NKAIN2: variants seen among roughly 807,000 people sequenced by gnomAD.
NKAIN2 encodes sodium/potassium transporting ATPase interacting 2, also known as sodium/potassium-transporting ATPase subunit beta-1-interacting protein 2.
A neutral mutation model predicts 32.6 loss-of-function variants in NKAIN2; 14 were observed. The observed-to-expected ratio is 0.43, with a 90% CI of 0.28 to 0.67. The LOEUF (loss-of-function observed/expected upper bound fraction) is 0.67, where lower values mean the gene tolerates loss of function less well. Ranked by LOEUF, NKAIN2 falls within the 30% of genes least tolerant of loss-of-function variation. NKAIN2 has a pLI of 0.17. For missense variants in NKAIN2, 198 were observed against 258.3 expected (o/e 0.77, Z 1.60); for synonymous variants, 80 against 87.2 (o/e 0.92, Z 0.46).
At chr6:124,537,577 T>A (rs1030018360) in intron 3 of NKAIN2, among the ~76,000 whole-genome samples, 1 of 152,186 alleles carries the variant, frequency 6.6e-6, no homozygotes, top group Non-Finnish European at 1.5e-5. Context: ...TAAAACAGGT[T>A]TGTTGTTTAA....
chr6:124,438,581 C>T (rs952533825), intron 3 of NKAIN2, among the ~76,000 whole-genome samples: 1 of 152,134 alleles, frequency 6.6e-6, no homozygotes, highest in African/African-American at 2.4e-5. Flanking sequence ...TTTCACTTGT[C>T]ATCCTCTCTG....
chr6:124,419,970 A>G (rs369147523), intron 3 of NKAIN2, among the ~76,000 whole-genome samples: 3 of 152,100 alleles, frequency 2.0e-5, no homozygotes, highest in South Asian at 4.1e-4. Flanking sequence ...ATCCTGGAAT[A>G]TGATCATTTG....
At chr6:124,290,055 C>CAA (rs10681237) in intron 2 of NKAIN2, among the ~76,000 whole-genome samples, 34,637 of 148,998 alleles carry the variant, frequency 0.23, 4,621 homozygotes, top group African/African-American at 0.39. Flanking sequence ...AGGGAGAAAA[C>CAA]AAAAAAAAAC....
At chr6:124,587,094 C>T (rs1191629126) in intron 3 of NKAIN2, among the ~76,000 whole-genome samples, 4 of 152,144 alleles carry the variant, frequency 2.6e-5, no homozygotes, top group Non-Finnish European at 5.9e-5. Flanking sequence ...CTTCTATTAA[C>T]TTGAGTACCA....
At position 124,021,534 on chromosome 6, in the gene NKAIN2, A is replaced by G. The variant is rs372544833; in HGVS notation, c.54+217280A>G. ...ATTACTCTGAATACTATCTTCTCCAATCATTGGACATTTTCTTTTCTAAAA... is the reference window on the plus strand; with the variant it reads ...ATTACTCTGAATACTATCTTCTCCAGTCATTGGACATTTTCTTTTCTAAAA... On this transcript the variant is annotated intron_variant, in intron 1 of 6. Coordinates refer to ENST00000368417, the MANE Select transcript of NKAIN2 (RefSeq NM_001040214.3). Among the ~76,000 whole-genome samples the G allele has an allele frequency of 1.1e-3, 163 of 152,008 alleles. 4 individuals are homozygous for G. The South Asian group carries it at 0.032, about 30-fold the overall frequency.
At chr6:123,851,278 C>T (rs932809338) in intron 1 of NKAIN2, among the ~76,000 whole-genome samples, 1 of 106,866 alleles carries the variant, frequency 9.4e-6, no homozygotes, top group African/African-American at 3.8e-5. Context: ...GAGACAGAGT[C>T]TGGCTCTGTC....
chr6:124,235,781 T>C (rs866045113), intron 1 of NKAIN2, among the ~76,000 whole-genome samples: 1 of 151,920 alleles, frequency 6.6e-6, no homozygotes, highest in African/African-American at 2.4e-5. Flanking sequence ...GTATTTTTAG[T>C]AGAGACAGGG....
chr6:124,290,501 A>G (rs1795751862), intron 2 of NKAIN2, among the ~76,000 whole-genome samples: 1 of 142,306 alleles, frequency 7.0e-6, no homozygotes, highest in Non-Finnish European at 1.5e-5. Flanking sequence ...TTCTGGGGTT[A>G]CCTCAGAAAT....
intron 3 of NKAIN2, among the ~76,000 whole-genome samples, chr6:124,436,306 T>G (rs537283317): frequency 6.6e-6 from 1 of 152,166 alleles, no homozygotes; most frequent in Non-Finnish European, 1.5e-5. Context: ...CTTTCTCAGC[T>G]CCTTCCTCTA....
intron 1 of NKAIN2, among the ~76,000 whole-genome samples, chr6:124,194,379 T>C (rs1790199623): frequency 2.0e-5 from 3 of 152,188 alleles, no homozygotes; most frequent in Admixed American, 2.0e-4. Context: ...TCAACATATC[T>C]GTTTCTGTTA....
At chr6:124,243,892 T>C (rs2114784137) in intron 1 of NKAIN2, among the ~76,000 whole-genome samples, 1 of 152,204 alleles carries the variant, frequency 6.6e-6, no homozygotes, top group South Asian at 2.1e-4. Context: ...ATTATTAATT[T>C]CCCAAAATAT....
intron 1 of NKAIN2, among the ~76,000 whole-genome samples, chr6:123,973,397 A>G (rs1304824890): frequency 6.6e-6 from 1 of 152,086 alleles, no homozygotes; most frequent in Non-Finnish European, 1.5e-5. Flanking sequence ...ACAGGAGAGG[A>G]AAGTGAAGCT....
chr6:124,278,321 C>A (rs932549839), intron 1 of NKAIN2, among the ~76,000 whole-genome samples: 5 of 151,880 alleles, frequency 3.3e-5, no homozygotes, highest in Admixed American at 3.3e-4. Context: ...TAATTGGGCC[C>A]AGTTTTCTCA....
intron 3 of NKAIN2, among the ~76,000 whole-genome samples, chr6:124,467,965 T>C (rs1776829502): frequency 1.3e-5 from 2 of 152,254 alleles, no homozygotes; most frequent in South Asian, 4.1e-4. Context: ...ATGTTTGGGG[T>C]AATAGAACTC....
chr6:124,108,631 A>C (rs374221483), intron 1 of NKAIN2, among the ~76,000 whole-genome samples: 1 of 152,018 alleles, frequency 6.6e-6, no homozygotes, highest in Non-Finnish European at 1.5e-5. Flanking sequence ...AATATCAAGG[A>C]GCTTCCTCCC....
chr6:124,425,122 T>A, intron 3 of NKAIN2, among the ~76,000 whole-genome samples: 1 of 151,998 alleles, frequency 6.6e-6, no homozygotes. Context: ...AAATCCAATC[T>A]GCCACATATT....
At chr6:124,004,900 TAAA>T (rs61291413) in intron 1 of NKAIN2, among the ~76,000 whole-genome samples, 44 of 138,600 alleles carry the variant, frequency 3.2e-4, no homozygotes, top group Non-Finnish European at 6.4e-4. Context: ...AAAAAGAAAG[TAAA>T]AAAAAAAAAA....
intron 5 of NKAIN2, among the ~76,000 whole-genome samples, chr6:124,803,050 C>T (rs1228546988): frequency 6.6e-6 from 1 of 152,202 alleles, no homozygotes; most frequent in East Asian, 1.9e-4. Flanking sequence ...AACCCGACAG[C>T]AAATGTGTAC....
At chr6:124,249,569 A>G (rs1793592833) in intron 1 of NKAIN2, among the ~76,000 whole-genome samples, 1 of 152,086 alleles carries the variant, frequency 6.6e-6, no homozygotes, top group African/African-American at 2.4e-5. Flanking sequence ...CTGAAACAAT[A>G]AGATGCTGGA....
Sources: allele counts gnomAD v4.1 joint callset (sites outside exome capture counted in the v4.1 genomes callset), GRCh38; gene constraint gnomAD v4.1.1; transcripts MANE v1.5; gene names NCBI Gene and HGNC (gene_info 2026-07-23, HGNC 2026-07-21).